Variants in PDS5B observed in about 807,000 individuals in gnomAD.
The protein encoded by PDS5B is sister chromatid cohesion protein PDS5 homolog B.
A neutral mutation model predicts 184.1 loss-of-function variants in PDS5B; 51 were observed. The ratio of observed to expected loss-of-function variants is 0.28; its 90% CI spans 0.22 to 0.35. The LOEUF is 0.35. Ranked by LOEUF, PDS5B falls within the 10% of genes least tolerant of loss-of-function variation. The pLI, the probability that PDS5B is intolerant of heterozygous loss-of-function variation, is 1.00. For missense variants in PDS5B, 1,180 were observed against 1,723.3 expected, an observed-to-expected ratio of 0.68 and a Z score of 5.58; for synonymous variants, 566 against 569.2, an observed-to-expected ratio of 0.99 and a Z score of 0.08.
At chr13:32,700,618 G>A (rs1459551023) in intron 16 of PDS5B, among the ~76,000 whole-genome samples, 1 of 151,972 alleles carries the variant, frequency 6.6e-6, no homozygotes, top group Non-Finnish European at 1.5e-5. Context: ...TTGTGAGTTT[G>A]TCATATGGCA....
At chr13:32,605,907 TCCC>T (rs1566241031) in intron 1 of PDS5B, among the ~76,000 whole-genome samples, 2 of 150,506 alleles carry the variant, frequency 1.3e-5, no homozygotes, top group Non-Finnish European at 1.5e-5. Flanking sequence ...TTTTTTTTTT[TCCC>T]ATTTGCTTGG....
At chr13:32,671,059 C>T (rs1034028444) in intron 7 of PDS5B, among the ~76,000 whole-genome samples, 1 of 152,078 alleles carries the variant, frequency 6.6e-6, no homozygotes, top group Non-Finnish European at 1.5e-5. Flanking sequence ...CTAAATCTAC[C>T]TCCACTAAAT....
intron 31 of PDS5B, 33 bp from the exon 32 acceptor site, chr13:32,770,088 T>C (rs1174599714): frequency 6.5e-7 from 1 of 1,540,538 alleles, no homozygotes; most frequent in East Asian, 2.3e-5. Context: ...CACAATTTCA[T>C]AACCATAAAT....
intron 1 of PDS5B, among the ~76,000 whole-genome samples, chr13:32,611,534 G>T: frequency 7.1e-6 from 1 of 140,738 alleles, no homozygotes. Context: ...TGGAGACCAG[G>T]TCTTGTTCTG....
intron 24 of PDS5B, 123 bp downstream of exon 24, chr13:32,746,223 T>G (rs1953737269): frequency 1.2e-6 from 1 of 816,872 alleles, no homozygotes; most frequent in Non-Finnish European, 1.9e-6. Flanking sequence ...TCTGAAAAAT[T>G]TATGCATGAG....
At chr13:32,675,348 C>T (rs1343520574) in intron 8 of PDS5B, among the ~76,000 whole-genome samples, 1 of 152,120 alleles carries the variant, frequency 6.6e-6, no homozygotes, top group Non-Finnish European at 1.5e-5. Flanking sequence ...TACTGTTGAG[C>T]TCCTTTTAGA....
intron 19 of PDS5B, among the ~76,000 whole-genome samples, chr13:32,724,324 C>G (rs1383756695): frequency 1.3e-5 from 2 of 151,982 alleles, no homozygotes; most frequent in Admixed American, 1.3e-4. Flanking sequence ...CATTATGTTG[C>G]CCAGACTGGT....
chr13:32,687,204 C>T lies in PDS5B; in HGVS notation c.1274C>T (p.Ala425Val). The T allele has an allele frequency of 6.2e-7, 1 of 1,609,626 alleles. No individual in the cohort carries two copies. The highest frequency in any genetic ancestry group is 8.5e-7 in the Non-Finnish European group (1 of 1,177,934). ...AAGAAATATGCTTTACAGTCAGCAGCTGGAAAAGATGCTGCAAAACAGATA... is the reference window on the plus strand; with the variant it reads ...AAGAAATATGCTTTACAGTCAGCAGTTGGAAAAGATGCTGCAAAACAGATA... ...IYKKYALQSA[A>V]GKDAAKQIAW... Residue 425 changes from alanine to valine, a missense_variant, in exon 12 of 35, where the codon GCT becomes GTT. Physicochemically the swap from Ala to Val is moderately conservative, Grantham distance 64. Coordinates refer to ENST00000315596, the MANE Select transcript of PDS5B (RefSeq NM_015032.4).
At chr13:32,705,228 G>A (rs1273138725) in intron 17 of PDS5B, among the ~76,000 whole-genome samples, 1 of 151,990 alleles carries the variant, frequency 6.6e-6, no homozygotes, top group Non-Finnish European at 1.5e-5. Context: ...ACTCTCAGTC[G>A]TGGAAGAAAA....
At chr13:32,724,897 C>G (rs1427553655) in intron 19 of PDS5B, among the ~76,000 whole-genome samples, 1 of 152,130 alleles carries the variant, frequency 6.6e-6, no homozygotes, top group Non-Finnish European at 1.5e-5. Context: ...TTTATTTTCT[C>G]TAAAATGATG....
chr13:32,727,457 A>G (rs1952946827), intron 19 of PDS5B, among the ~76,000 whole-genome samples: 1 of 150,532 alleles, frequency 6.6e-6, no homozygotes. Flanking sequence ...TTCTGGAAGA[A>G]CTCTTTTTAA....
chr13:32,705,714 C>T (rs963108044), intron 17 of PDS5B, among the ~76,000 whole-genome samples: 1 of 152,148 alleles, frequency 6.6e-6, no homozygotes, highest in African/African-American at 2.4e-5. Flanking sequence ...GGGTCTCACT[C>T]TGCCACCCAG....
At chr13:32,626,774 C>T (rs1007845474) in intron 1 of PDS5B, among the ~76,000 whole-genome samples, 15 of 152,030 alleles carry the variant, frequency 9.9e-5, no homozygotes, top group Admixed American at 7.9e-4. Context: ...TTCATGGAGC[C>T]AAAATAGAAT....
intron 33 of PDS5B, among the ~76,000 whole-genome samples, chr13:32,772,577 T>C (rs1305267251): frequency 2.0e-5 from 3 of 152,148 alleles, no homozygotes; most frequent in Admixed American, 6.5e-5. Context: ...TGGATTGTAG[T>C]TGTGGGGAGT....
intron 1 of PDS5B, among the ~76,000 whole-genome samples, chr13:32,611,040 C>A (rs1339796663): frequency 6.6e-6 from 1 of 151,676 alleles, no homozygotes; most frequent in African/African-American, 2.4e-5. Flanking sequence ...TTTAAGTTCC[C>A]AAATATAATA....
chr13:32,706,075 T>G (rs578238626), intron 17 of PDS5B, among the ~76,000 whole-genome samples: 1 of 151,958 alleles, frequency 6.6e-6, no homozygotes, highest in South Asian at 2.1e-4. Flanking sequence ...GTCAGGAGTT[T>G]GAGACCAGCC....
At chr13:32,685,783 C>G (rs1054999389) in intron 11 of PDS5B, among the ~76,000 whole-genome samples, 11 of 152,098 alleles carry the variant, frequency 7.2e-5, no homozygotes, top group Non-Finnish European at 1.2e-4. Context: ...GGTGGTACTA[C>G]AGGCACATCC....
chr13:32,592,895 TA>T (rs1281606606), intron 1 of PDS5B, among the ~76,000 whole-genome samples: 1 of 152,194 alleles, frequency 6.6e-6, no homozygotes, highest in Non-Finnish European at 1.5e-5. Flanking sequence ...CTAATCTTAC[TA>T]AATCTCAACT....
Position 32,693,437 on chromosome 13 carries a change from G to A in PDS5B, c.1470-786G>A, listed in dbSNP as rs146423214. On this transcript the variant is annotated intron_variant, in intron 13 of 34. Coordinates refer to ENST00000315596, the MANE Select transcript of PDS5B (RefSeq NM_015032.4). ...AAAGGGCAGAATTAAAATATTAAAC[G>A]ATGTTCTTTGTCTATTAAAAGAAAA... Among the ~76,000 whole-genome samples, 7 of 151,816 alleles carry A rather than the reference G, an allele frequency of 4.6e-5. No individual in the cohort carries two copies. In the South Asian group the frequency reaches 1.0e-3, roughly 22 times the overall value.
Sources: allele counts gnomAD v4.1 joint callset (sites outside exome capture counted in the v4.1 genomes callset), GRCh38; gene constraint gnomAD v4.1.1; transcripts MANE v1.5; gene names NCBI Gene and HGNC (gene_info 2026-07-23, HGNC 2026-07-21).